The following HERC3 variants were observed in gnomAD, a reference collection of about 807,000 sequenced individuals.
HERC3 encodes the protein probable E3 ubiquitin-protein ligase HERC3.
A neutral mutation model predicts 129.9 loss-of-function variants in HERC3; 58 were observed. The observed-to-expected ratio is 0.45, with a 90% CI of 0.36 to 0.56. The LOEUF (loss-of-function observed/expected upper bound fraction) is 0.56, where lower values mean the gene tolerates loss of function less well. HERC3 is among the 20% of genes least tolerant of loss of function. The pLI, the probability that HERC3 is intolerant of heterozygous loss-of-function variation, is 0.00. For missense variants in HERC3, 835 were observed against 1,244.2 expected (o/e 0.67, Z 4.95); for synonymous variants, 430 against 451.0 (o/e 0.95, Z 0.59).
the HERC3 span, among the ~76,000 whole-genome samples, chr4:88,548,924 C>T: frequency 6.6e-6 from 1 of 152,054 alleles, no homozygotes; most frequent in African/African-American, 2.4e-5. Flanking sequence ...GCCTCCCAAA[C>T]TGCTGGGATT....
At chr4:88,526,981 A>T in the HERC3 span, among the ~76,000 whole-genome samples, 5 of 151,670 alleles carry the variant, frequency 3.3e-5, no homozygotes, top group African/African-American at 1.2e-4. Context: ...GTCAATAAAC[A>T]TATTAAAAAA....
chr4:88,616,764 G>C (rs1724944441), intron 3 of HERC3, among the ~76,000 whole-genome samples: 1 of 152,142 alleles, frequency 6.6e-6, no homozygotes, highest in African/African-American at 2.4e-5. Flanking sequence ...GCTGTGTCAT[G>C]AACAATGAGT....
chr4:88,579,118 C>A, the HERC3 span, among the ~76,000 whole-genome samples: 1 of 151,890 alleles, frequency 6.6e-6, no homozygotes. Context: ...CGCAGTGGCT[C>A]ATGCCTATAA....
chr4:88,652,698 A>G (rs1480899782), intron 5 of HERC3, among the ~76,000 whole-genome samples, 171 bp from the exon 6 acceptor site: 1 of 152,102 alleles, frequency 6.6e-6, no homozygotes, highest in Non-Finnish European at 1.5e-5. Context: ...CTGTTATATC[A>G]CTTGGGAGTT....
chr4:88,552,841 T>C, the HERC3 span, among the ~76,000 whole-genome samples: 4 of 152,196 alleles, frequency 2.6e-5, no homozygotes, highest in Non-Finnish European at 5.9e-5. Context: ...GACCTACTAA[T>C]GGGCCCTGTT....
chr4:88,578,509 G>C, the HERC3 span, among the ~76,000 whole-genome samples: 9 of 152,122 alleles, frequency 5.9e-5, no homozygotes, highest in South Asian at 2.1e-4. Flanking sequence ...TTGAACCCGG[G>C]GGGTGGAGGT....
chr4:88,691,774 T>A (rs1347559471), intron 23 of HERC3, among the ~76,000 whole-genome samples: 1 of 152,256 alleles, frequency 6.6e-6, no homozygotes, highest in African/African-American at 2.4e-5. Flanking sequence ...AGTCATTATT[T>A]CCTTGGCTAT....
At chr4:88,534,921 T>C in the HERC3 span, among the ~76,000 whole-genome samples, 12 of 152,334 alleles carry the variant, frequency 7.9e-5, no homozygotes, top group African/African-American at 2.6e-4. Flanking sequence ...AGTATTTTTT[T>C]GTATTCAGAT....
chr4:88,562,708 T>C, the HERC3 span, among the ~76,000 whole-genome samples: 1 of 152,222 alleles, frequency 6.6e-6, no homozygotes, highest in Non-Finnish European at 1.5e-5. Flanking sequence ...CTAGTTTCAT[T>C]CTTCTGCATA....
rs56874628 is a variant in HERC3, at chr4:88,691,685, A to G, written c.2657+4386A>G. 4.0e-4 allele frequency among the ~76,000 whole-genome samples: 61 copies of G among 152,372 alleles called. 1 individual carries two copies. The highest frequency in any genetic ancestry group is 1.2e-3 in the African/African-American group (51 of 41,596). ...TTTTCTTTTCATTTTATGCTGCACA[A>G]AATAGAAATCTTACCAACAAAGTAC... is the stretch of plus-strand genomic sequence containing the variant. On this transcript the variant is annotated intron_variant, in intron 23 of 25. Coordinates refer to ENST00000402738, the MANE Select transcript of HERC3 (RefSeq NM_014606.3).
At chr4:88,686,661 A>G in intron 21 of HERC3, 75 bp from the exon 22 acceptor site, 1 of 921,730 alleles carries the variant, frequency 1.1e-6, no homozygotes. Flanking sequence ...TGGTCTGGAC[A>G]TGTAACTGAA....
chr4:88,541,149 T>C, the HERC3 span, among the ~76,000 whole-genome samples: 1 of 152,082 alleles, frequency 6.6e-6, no homozygotes, highest in South Asian at 2.1e-4. Context: ...GACTGGCAAA[T>C]TGGATAAACA....
At chr4:88,571,184 T>G in the HERC3 span, among the ~76,000 whole-genome samples, 1 of 152,200 alleles carries the variant, frequency 6.6e-6, no homozygotes, top group Admixed American at 6.5e-5. Flanking sequence ...TCCTCCTGCC[T>G]CAGTCTCTCA....
intron 23 of HERC3, among the ~76,000 whole-genome samples, chr4:88,701,486 A>T (rs1157207903): frequency 6.6e-6 from 1 of 152,214 alleles, no homozygotes; most frequent in Non-Finnish European, 1.5e-5. Flanking sequence ...GTGATGGATA[A>T]GTAGTAAATA....
At chr4:88,583,572 C>T in the HERC3 span, 1 of 152,102 alleles carries the variant, frequency 6.6e-6, no homozygotes, top group Non-Finnish European at 1.5e-5. Flanking sequence ...ATGACTAGGA[C>T]TTCATCAAGG....
At chr4:88,581,587 T>C in the HERC3 span, among the ~76,000 whole-genome samples, 108 of 152,140 alleles carry the variant, frequency 7.1e-4, no homozygotes, top group African/African-American at 2.5e-3. Context: ...ATTACAGGTG[T>C]GTGCCAATGT....
intron 21 of HERC3, among the ~76,000 whole-genome samples, chr4:88,681,860 A>T (rs971424500): frequency 3.9e-5 from 6 of 152,204 alleles, no homozygotes; most frequent in Non-Finnish European, 8.8e-5. Flanking sequence ...TATACAATAG[A>T]TTATTGTAAA....
At chr4:88,684,933 T>C (rs1255539140) in intron 21 of HERC3, 1 of 152,332 alleles carries the variant, frequency 6.6e-6, no homozygotes, top group African/African-American at 2.4e-5. Flanking sequence ...AATTTTAGTA[T>C]ATGTGCTGCT....
intron 24 of HERC3, 49 bp from the exon 25 acceptor site, chr4:88,704,459 A>C (rs750522080): frequency 7.4e-7 from 1 of 1,342,616 alleles, no homozygotes; most frequent in East Asian, 2.3e-5. Flanking sequence ...AATGTCCACT[A>C]TAATATTCTT....
Sources: gnomAD v4.1 joint callset for allele counts (sites outside exome capture counted in the v4.1 genomes callset) on GRCh38, gnomAD v4.1.1 for gene constraint, MANE v1.5 for transcripts, NCBI Gene and HGNC (gene_info 2026-07-23, HGNC 2026-07-21) for gene names.